Variants in CA5A observed in about 807,000 individuals in gnomAD.
The protein encoded by CA5A is carbonic anhydrase 5A, also known as carbonic anhydrase 5A, mitochondrial.
CA5A carries 28 observed loss-of-function variants against 37.1 expected under a neutral mutation model. The observed-to-expected ratio is 0.75, with a 90% CI of 0.56 to 1.03. The LOEUF (loss-of-function observed/expected upper bound fraction) is 1.03. Among genes scored for constraint, CA5A ranks in the 50% least tolerant of loss-of-function variants. The probability of loss-of-function intolerance (pLI) is 0.00; values close to 1 mark genes in which losing one functional copy is unlikely to be tolerated. For synonymous variants in CA5A, 171 were observed against 158.4 expected (o/e 1.08, Z -0.60); for missense variants, 444 against 399.9 (o/e 1.11, Z -0.94).
At chr16:87,894,649 C>T (rs1341365225) in intron 5 of CA5A, among the ~76,000 whole-genome samples, 1 of 151,592 alleles carries the variant, frequency 6.6e-6, no homozygotes, top group Non-Finnish European at 1.5e-5. Flanking sequence ...GAGGCCAAGG[C>T]AGGCAGATCA....
chr16:87,934,695 C>T (rs1415496602), intron 1 of CA5A, among the ~76,000 whole-genome samples: 1 of 152,184 alleles, frequency 6.6e-6, no homozygotes, highest in African/African-American at 2.4e-5. Flanking sequence ...TGCAGTGGCT[C>T]ACGCCTGTAA....
chr16:87,920,251 C>T (rs957798996), intron 2 of CA5A, among the ~76,000 whole-genome samples: 1 of 152,226 alleles, frequency 6.6e-6, no homozygotes, highest in Non-Finnish European at 1.5e-5. Context: ...TGATGATCCT[C>T]CTGCTCCCTC....
chr16:87,890,122 G>A (rs907652857), intron 6 of CA5A, among the ~76,000 whole-genome samples: 2 of 152,326 alleles, frequency 1.3e-5, no homozygotes, highest in East Asian at 3.9e-4. Flanking sequence ...AGGATAAGGG[G>A]CTCCTGCCCT....
intron 2 of CA5A, among the ~76,000 whole-genome samples, chr16:87,919,987 G>T (rs2056208835): frequency 6.6e-6 from 1 of 152,160 alleles, no homozygotes; most frequent in South Asian, 2.1e-4. Context: ...CGGAAAGCCA[G>T]CTGCTAGGCC....
rs1444128177 is a variant in CA5A at position 87,901,939 on chromosome 16, C to T, written c.591G>A (p.Val197=). The change falls in exon 5 of 7, where the codon GTG becomes GTA. Residue 197 remains valine, a synonymous_variant. Transcript: ENST00000649794. ...GAHHQTLQRL[V]DILPEIKHKD... ...TATGTTTTATTTCCGGCAAGATGTC[C>T]ACCAGCCTCTGCAGCGTCTGATGAT... The T allele has an allele frequency of 5.6e-6, 9 of 1,613,680 alleles. No individual in the cohort carries two copies. The highest frequency in any genetic ancestry group is 5.3e-5 in the African/African-American group (4 of 75,006).
chr16:87,932,351 A>C (rs2056419253), intron 1 of CA5A, among the ~76,000 whole-genome samples: 1 of 152,206 alleles, frequency 6.6e-6, no homozygotes, highest in South Asian at 2.1e-4. Context: ...TCACAGAGAC[A>C]CAGGTTGTGG....
intron 5 of CA5A, among the ~76,000 whole-genome samples, chr16:87,900,995 G>A (rs560056230): frequency 4.6e-4 from 70 of 152,374 alleles, no homozygotes; most frequent in Non-Finnish European, 9.4e-4. Context: ...GGACGCCAAG[G>A]CGGGCGGATC....
intron 1 of CA5A, among the ~76,000 whole-genome samples, chr16:87,929,451 CAAA>C (rs138039345): frequency 2.2e-4 from 19 of 88,112 alleles, no homozygotes; most frequent in East Asian, 1.4e-3. Context: ...AATTCGGTCT[CAAA>C]AAAAAAAAAA....
intron 2 of CA5A, among the ~76,000 whole-genome samples, chr16:87,918,667 C>T (rs1345068598): frequency 6.6e-6 from 1 of 152,206 alleles, no homozygotes; most frequent in Non-Finnish European, 1.5e-5. Flanking sequence ...CTTGTCCGCT[C>T]CCTTCCCTTT....
intron 2 of CA5A, among the ~76,000 whole-genome samples, chr16:87,915,020 C>T (rs757874213): frequency 5.3e-5 from 8 of 152,206 alleles, no homozygotes; most frequent in Admixed American, 1.3e-4. Context: ...GCATGGCCGC[C>T]GCACCACCAG....
At chr16:87,919,116 C>T (rs551387602) in intron 2 of CA5A, among the ~76,000 whole-genome samples, 129 of 152,222 alleles carry the variant, frequency 8.5e-4, no homozygotes, top group African/African-American at 2.9e-3. Context: ...GATGTGAAGC[C>T]GGTGGGGAAG....
At chr16:87,917,358 G>A (rs1361535286) in intron 2 of CA5A, among the ~76,000 whole-genome samples, 5 of 152,224 alleles carry the variant, frequency 3.3e-5, no homozygotes, top group Admixed American at 3.3e-4. Flanking sequence ...AGAATTGGAA[G>A]TGAGCAAGAA....
At chr16:87,898,133 G>C (rs1482905025) in intron 5 of CA5A, among the ~76,000 whole-genome samples, 7 of 152,312 alleles carry the variant, frequency 4.6e-5, no homozygotes, top group African/African-American at 1.4e-4. Flanking sequence ...GGTCTCTGCC[G>C]AGTCAGTCCC....
At chr16:87,905,258 TA>T (rs201383195) in intron 2 of CA5A, among the ~76,000 whole-genome samples, 3,422 of 151,302 alleles carry the variant, frequency 0.023, 41 homozygotes, top group African/African-American at 0.034. Flanking sequence ...AGACTTTAAT[TA>T]AAAAAAAAGG....
At chr16:87,899,246 T>C (rs1167255205) in intron 5 of CA5A, among the ~76,000 whole-genome samples, 1 of 150,402 alleles carries the variant, frequency 6.6e-6, no homozygotes, top group Non-Finnish European at 1.5e-5. Context: ...CCCTGGCCCA[T>C]GAAGCACAGA....
intron 3 of CA5A, among the ~76,000 whole-genome samples, chr16:87,904,064 G>A (rs1361510786): frequency 1.3e-5 from 2 of 152,120 alleles, no homozygotes; most frequent in African/African-American, 2.4e-5. Context: ...GATCTTAGCC[G>A]GGTACGGTGG....
At position 87,891,416 on chromosome 16, in the gene CA5A, C is replaced by T. The variant is rs181274668; in HGVS notation, c.774+383G>A. On this transcript the variant is annotated intron_variant, in intron 6 of 6. Coordinates refer to ENST00000649794, the MANE Select transcript of CA5A (RefSeq NM_001739.2). ...CCAGGAGGTGGAGGTTGTAGTGAGC[C>T]GAGATCGCACCACTGCACTCCAGCC... Among the ~76,000 whole-genome samples, 28 of 150,652 alleles carry T rather than the reference C, an allele frequency of 1.9e-4. No homozygotes were observed. The East Asian group carries it at 5.3e-3, about 29-fold the overall frequency.
chr16:87,919,299 G>A (rs769646481), intron 2 of CA5A, among the ~76,000 whole-genome samples: 5 of 152,322 alleles, frequency 3.3e-5, no homozygotes, highest in Non-Finnish European at 7.3e-5. Flanking sequence ...TGGGAACAGC[G>A]TCCTCGGCTG....
chr16:87,919,489 G>A (rs548921922), intron 2 of CA5A, among the ~76,000 whole-genome samples: 74 of 152,300 alleles, frequency 4.9e-4, no homozygotes, highest in South Asian at 1.5e-3. Context: ...AGCCTCGGGC[G>A]GCCACCTTCG....
Sources: gnomAD v4.1 joint callset for allele counts (sites outside exome capture counted in the v4.1 genomes callset) on GRCh38, gnomAD v4.1.1 for gene constraint, MANE v1.5 for transcripts, NCBI Gene and HGNC (gene_info 2026-07-23, HGNC 2026-07-21) for gene names.